The following PLCE1 variants were observed in gnomAD, a reference collection of about 807,000 sequenced individuals.
The protein encoded by PLCE1 is phospholipase C epsilon 1.
In PLCE1, 119 loss-of-function variants were observed where a neutral mutation model predicts 242.8. The ratio of observed to expected loss-of-function variants is 0.49; its 90% CI spans 0.42 to 0.57. PLCE1 has a LOEUF of 0.57. Among genes scored for constraint, PLCE1 ranks in the 20% least tolerant of loss-of-function variants. The pLI is 0.00. For missense variants in PLCE1, 2,441 were observed against 2,788.8 expected (o/e 0.88, Z 2.81); for synonymous variants, 945 against 1,017.4 (o/e 0.93, Z 1.35).
intron 2 of PLCE1, among the ~76,000 whole-genome samples, chr10:94,037,029 T>A (rs960879298): frequency 2.0e-5 from 3 of 152,284 alleles, no homozygotes; most frequent in Middle Eastern, 3.4e-3. Context: ...AATAAAAAAA[T>A]TTTACATCAG....
Position 94,236,009 on chromosome 10 carries a change from T to C in PLCE1, c.2309T>C (p.Ile770Thr), listed in dbSNP as rs764214312. The stretch of plus-strand genomic sequence containing the variant: ...GAGAAGGAGTCCACTGTCAACAGCA[T>C]CTTTCAGGTCATCCGGAGCTGCAAT... ...NSEKESTVNSIFQVIRSCNRS... is the reference protein window; with the variant it reads ...NSEKESTVNSTFQVIRSCNRS... The change falls in exon 7 of 33, where the codon ATC becomes ACC. Residue 770 changes from isoleucine to threonine, a missense_variant. Physicochemically the swap from Ile to Thr is moderately conservative, Grantham distance 89. Transcript: ENST00000371380. The C allele has an allele frequency of 1.9e-6, 3 of 1,614,050 alleles. No individual in the cohort carries two copies. In the South Asian group the frequency reaches 3.3e-5, roughly 18 times the overall value.
chr10:94,130,492 A>T (rs952472050), intron 2 of PLCE1, among the ~76,000 whole-genome samples: 6 of 152,122 alleles, frequency 3.9e-5, no homozygotes, highest in African/African-American at 1.2e-4. Context: ...TTCCCATTTT[A>T]CAGAGGAGGG....
intron 4 of PLCE1, among the ~76,000 whole-genome samples, chr10:94,208,897 C>T (rs1157619394): frequency 6.6e-6 from 1 of 152,192 alleles, no homozygotes; most frequent in Non-Finnish European, 1.5e-5. Context: ...AACTAATCGT[C>T]GCCACAATTC....
chr10:94,285,060 AACTAAATT>A (rs1440760228), intron 22 of PLCE1, 95 bp downstream of exon 22: 1 of 756,016 alleles, frequency 1.3e-6, no homozygotes, highest in Non-Finnish European at 2.4e-6. Context: ...CTCTCAAAAT[AACTAAATT>A]GTGTTGCTGA....
chr10:94,077,065 A>C (rs950149906), intron 2 of PLCE1, among the ~76,000 whole-genome samples: 12 of 152,354 alleles, frequency 7.9e-5, no homozygotes, highest in African/African-American at 2.9e-4. Context: ...AACATAAACA[A>C]TTATATATCT....
intron 2 of PLCE1, among the ~76,000 whole-genome samples, chr10:94,115,175 CA>C (rs1426246250): frequency 6.6e-6 from 1 of 152,086 alleles, no homozygotes; most frequent in Non-Finnish European, 1.5e-5. Context: ...CATTGTTGGA[CA>C]TTTGGGTTGG....
intron 4 of PLCE1, among the ~76,000 whole-genome samples, chr10:94,222,931 A>G (rs2049804052): frequency 6.6e-6 from 1 of 152,088 alleles, no homozygotes; most frequent in South Asian, 2.1e-4. Flanking sequence ...TCTAGAAGTG[A>G]GTGTGCAGCC....
intron 1 of PLCE1, among the ~76,000 whole-genome samples, chr10:94,023,077 A>T (rs1236225478): frequency 6.6e-6 from 1 of 152,170 alleles, no homozygotes; most frequent in Non-Finnish European, 1.5e-5. Flanking sequence ...GGTGGAAGGT[A>T]GGAAGAGCTA....
At chr10:94,093,768 C>G (rs2045173217) in intron 2 of PLCE1, among the ~76,000 whole-genome samples, 1 of 151,958 alleles carries the variant, frequency 6.6e-6, no homozygotes. Flanking sequence ...CACTCATGAC[C>G]TGCACTCTGT....
At chr10:94,101,175 G>T (rs2045521283) in intron 2 of PLCE1, among the ~76,000 whole-genome samples, 1 of 152,118 alleles carries the variant, frequency 6.6e-6, no homozygotes, top group South Asian at 2.1e-4. Flanking sequence ...CGCTAGAAGG[G>T]TACTTCCTAG....
intron 2 of PLCE1, among the ~76,000 whole-genome samples, chr10:94,091,116 T>C (rs2135368034): frequency 1.3e-5 from 2 of 152,338 alleles, no homozygotes; most frequent in Middle Eastern, 6.8e-3. Context: ...TCTGTCATTT[T>C]GGAGAGAGGG....
At position 94,330,273 on chromosome 10, in the gene PLCE1, G is replaced by A. The variant is rs1195104568; in HGVS notation, c.*2330G>A. The A allele has an allele frequency of 2.0e-5, 3 of 152,234 alleles. No homozygotes were observed. The highest frequency in any genetic ancestry group is 2.0e-4 in the Admixed American group (3 of 15,284). The allele number at this position is 152,234 out of a possible 1,614,324, so 9.4% of individuals were successfully genotyped here. A position where few individuals can be genotyped will look rare whatever the true frequency, so the allele number is the denominator to read the frequency against. ...GTTGTTTAGCAAGTGAGAGAATCCA[G>A]CCTACTGCCTAGGTTGCATCCCAAT... On this transcript the variant is annotated 3_prime_UTR_variant, in exon 33 of 33. Transcript: ENST00000371380.
intron 2 of PLCE1, among the ~76,000 whole-genome samples, chr10:94,127,538 A>G (rs1043046612): frequency 1.4e-4 from 22 of 152,184 alleles, no homozygotes; most frequent in Non-Finnish European, 4.4e-5. Context: ...TGCTTGCATC[A>G]TATTGGCTAA....
At chr10:94,277,453 G>A (rs1329705027) in intron 19 of PLCE1, among the ~76,000 whole-genome samples, 1 of 152,166 alleles carries the variant, frequency 6.6e-6, no homozygotes. Context: ...GGTCCCAGCT[G>A]TTGGCCGTTT....
chr10:94,211,423 G>T (rs549582431), intron 4 of PLCE1, among the ~76,000 whole-genome samples: 2 of 152,332 alleles, frequency 1.3e-5, no homozygotes, highest in African/African-American at 2.4e-5. Flanking sequence ...GGTGACCTTT[G>T]CAAGTCACCT....
At chr10:94,226,831 CTTTTTTT>C (rs1177112312) in intron 4 of PLCE1, among the ~76,000 whole-genome samples, 1 of 101,818 alleles carries the variant, frequency 9.8e-6, no homozygotes, top group Non-Finnish European at 2.0e-5. Flanking sequence ...ACCTATAGGT[CTTTTTTT>C]TTTTTTTTTT....
intron 2 of PLCE1, among the ~76,000 whole-genome samples, chr10:94,128,757 G>A (rs762667520): frequency 8.5e-5 from 13 of 152,206 alleles, no homozygotes; most frequent in East Asian, 3.9e-4. Flanking sequence ...ATCTACATCC[G>A]TATCTGTATT....
At chr10:94,027,616 T>A (rs1469439750) in intron 1 of PLCE1, among the ~76,000 whole-genome samples, 1 of 152,040 alleles carries the variant, frequency 6.6e-6, no homozygotes, top group Non-Finnish European at 1.5e-5. Flanking sequence ...GGTCAGGAGA[T>A]CGAGACCATC....
intron 20 of PLCE1, among the ~76,000 whole-genome samples, chr10:94,281,472 T>G (rs1049576802): frequency 4.6e-5 from 7 of 152,146 alleles, no homozygotes; most frequent in African/African-American, 1.7e-4. Context: ...TTATTTTCAT[T>G]TGGGAAATTT....
Sources: gnomAD v4.1 joint callset for allele counts (sites outside exome capture counted in the v4.1 genomes callset) on GRCh38, gnomAD v4.1.1 for gene constraint, MANE v1.5 for transcripts, NCBI Gene and HGNC (gene_info 2026-07-23, HGNC 2026-07-21) for gene names.